Variants in GRIN2A observed in about 807,000 individuals in gnomAD.
The protein encoded by GRIN2A is glutamate ionotropic receptor NMDA type subunit 2A.
A neutral mutation model predicts 113.4 loss-of-function variants in GRIN2A; 22 were observed. The ratio of observed to expected loss-of-function variants is 0.19; its 90% CI spans 0.14 to 0.28. The LOEUF is 0.28. Ranked by LOEUF, GRIN2A falls within the 10% of genes least tolerant of loss-of-function variation. The pLI, the probability that GRIN2A is intolerant of heterozygous loss-of-function variation, is 1.00. For missense variants in GRIN2A, 1,502 were observed against 1,887.0 expected (o/e 0.80, Z 3.78); for synonymous variants, 827 against 738.4 (o/e 1.12, Z -1.94).
chr16:9,869,887 A>T (rs1442158235), intron 4 of GRIN2A, among the ~76,000 whole-genome samples: 1 of 152,286 alleles, frequency 6.6e-6, no homozygotes, highest in East Asian at 1.9e-4. Flanking sequence ...GTTCCTTCCC[A>T]CCTGCAATGT....
chr16:9,939,354 G>A (rs919091882), intron 2 of GRIN2A, among the ~76,000 whole-genome samples: 2 of 152,134 alleles, frequency 1.3e-5, no homozygotes, highest in African/African-American at 4.8e-5. Flanking sequence ...GCACCGAAAG[G>A]AGGCGGACGA....
At chr16:9,838,832 C>G (rs1230471182) in intron 7 of GRIN2A, among the ~76,000 whole-genome samples, 1 of 152,068 alleles carries the variant, frequency 6.6e-6, no homozygotes, top group Non-Finnish European at 1.5e-5. Context: ...ACTACATATT[C>G]TCACTTCTAA....
At chr16:9,802,118 TG>T in intron 10 of GRIN2A, among the ~76,000 whole-genome samples, 1 of 152,212 alleles carries the variant, frequency 6.6e-6, no homozygotes, top group East Asian at 1.9e-4. Flanking sequence ...ACACTGATGG[TG>T]GGAGTGTAGA....
chr16:9,984,688 G>C (rs117241830), intron 2 of GRIN2A, among the ~76,000 whole-genome samples: 1 of 152,150 alleles, frequency 6.6e-6, no homozygotes, highest in African/African-American at 2.4e-5. Flanking sequence ...GAGGCATCAC[G>C]AGTAACTTGG....
At chr16:9,855,304 G>C (rs2042948994) in intron 4 of GRIN2A, among the ~76,000 whole-genome samples, 1 of 152,190 alleles carries the variant, frequency 6.6e-6, no homozygotes. Flanking sequence ...ATGCTGTTAT[G>C]AGGCTTACTT....
intron 11 of GRIN2A, among the ~76,000 whole-genome samples, chr16:9,783,103 C>T (rs772356693): frequency 6.6e-6 from 1 of 152,116 alleles, no homozygotes; most frequent in Non-Finnish European, 1.5e-5. Flanking sequence ...ATGATCACCC[C>T]CTTCTGATGT....
At chr16:10,103,220 C>G (rs1437242683) in intron 2 of GRIN2A, among the ~76,000 whole-genome samples, 1 of 152,132 alleles carries the variant, frequency 6.6e-6, no homozygotes, top group Non-Finnish European at 1.5e-5. Context: ...AGACATACAT[C>G]TAGTCATGAG....
At chr16:9,845,574 C>A (rs143683393) in intron 5 of GRIN2A, among the ~76,000 whole-genome samples, 2 of 152,242 alleles carry the variant, frequency 1.3e-5, no homozygotes, top group East Asian at 1.9e-4. Flanking sequence ...CCCACATCAT[C>A]CCCTCCATCC....
chr16:10,091,944 G>T (rs954961763), intron 2 of GRIN2A, among the ~76,000 whole-genome samples: 2 of 152,116 alleles, frequency 1.3e-5, no homozygotes, highest in African/African-American at 4.8e-5. Context: ...TGGGGTGATG[G>T]TTGCAAAATC....
intron 5 of GRIN2A, among the ~76,000 whole-genome samples, chr16:9,847,530 A>C (rs2042793597): frequency 6.6e-6 from 1 of 151,916 alleles, no homozygotes; most frequent in South Asian, 2.1e-4. Flanking sequence ...ACACCACTGC[A>C]CTCCAGCCTG....
chr16:10,161,870 C>T (rs556855861), intron 2 of GRIN2A, among the ~76,000 whole-genome samples: 43 of 152,222 alleles, frequency 2.8e-4, no homozygotes, highest in Non-Finnish European at 5.4e-4. Flanking sequence ...TCTGTTGCCA[C>T]ATCTGCTTCT....
chr16:9,947,761 T>G (rs1180862834), intron 2 of GRIN2A, among the ~76,000 whole-genome samples: 1 of 152,138 alleles, frequency 6.6e-6, no homozygotes, highest in African/African-American at 2.4e-5. Flanking sequence ...AAATCCTTAC[T>G]AGCTCTGAGG....
At chr16:9,823,903 G>A (rs978769008) in intron 9 of GRIN2A, among the ~76,000 whole-genome samples, 5 of 152,110 alleles carry the variant, frequency 3.3e-5, no homozygotes, top group African/African-American at 1.2e-4. Flanking sequence ...GAGGGGAAGA[G>A]CACCCAGAAA....
At chr16:10,039,684 G>A (rs1009934950) in intron 2 of GRIN2A, among the ~76,000 whole-genome samples, 15 of 151,368 alleles carry the variant, frequency 9.9e-5, no homozygotes, top group Non-Finnish European at 2.1e-4. Flanking sequence ...CTACTCCTGG[G>A]AGGGGCCTTT....
chr16:10,009,714 C>G (rs1596412227), intron 2 of GRIN2A, among the ~76,000 whole-genome samples: 2 of 151,910 alleles, frequency 1.3e-5, no homozygotes, highest in Non-Finnish European at 2.9e-5. Context: ...CTTTATCACC[C>G]TCAGTGTTCC....
At chr16:9,850,467 G>A (rs1175688951) in intron 4 of GRIN2A, among the ~76,000 whole-genome samples, 1 of 152,106 alleles carries the variant, frequency 6.6e-6, no homozygotes, top group African/African-American at 2.4e-5. Flanking sequence ...AAAGGCAAAA[G>A]CACAACATAG....
chr16:10,007,860 A>C (rs1326087331), intron 2 of GRIN2A, among the ~76,000 whole-genome samples: 1 of 152,178 alleles, frequency 6.6e-6, no homozygotes, highest in African/African-American at 2.4e-5. Context: ...ATAAGAACAC[A>C]GGAGGACTTT....
At chr16:9,935,549 C>CACACAT (rs1387156052) in intron 3 of GRIN2A, among the ~76,000 whole-genome samples, 1 of 150,312 alleles carries the variant, frequency 6.7e-6, no homozygotes, top group African/African-American at 2.5e-5. Context: ...CACACACACA[C>CACACAT]ACACACACAC....
At chr16:10,058,390 G>A (rs1859542022) in intron 2 of GRIN2A, among the ~76,000 whole-genome samples, 1 of 152,150 alleles carries the variant, frequency 6.6e-6, no homozygotes, top group Non-Finnish European at 1.5e-5. Flanking sequence ...AAACAAACTT[G>A]TGTTATGTTT....
Sources: gnomAD v4.1 joint callset for allele counts (sites outside exome capture counted in the v4.1 genomes callset) on GRCh38, gnomAD v4.1.1 for gene constraint, MANE v1.5 for transcripts, NCBI Gene and HGNC (gene_info 2026-07-23, HGNC 2026-07-21) for gene names.